The following WASF3 variants were observed in gnomAD, a reference collection of about 807,000 sequenced individuals.
The protein encoded by WASF3 is actin-binding protein WASF3.
In WASF3, 11 loss-of-function variants were observed where a neutral mutation model predicts 46.6. The observed-to-expected ratio is 0.24, with a 90% CI of 0.15 to 0.39. The LOEUF (loss-of-function observed/expected upper bound fraction) is 0.39, where lower values mean the gene tolerates loss of function less well. WASF3 is among the 10% of genes least tolerant of loss of function. The probability of loss-of-function intolerance (pLI) is 1.00; values close to 1 mark genes in which losing one functional copy is unlikely to be tolerated. For synonymous variants in WASF3, 242 were observed against 259.7 expected (o/e 0.93, Z 0.65); for missense variants, 576 against 669.8 (o/e 0.86, Z 1.55).
the WASF3 span, among the ~76,000 whole-genome samples, chr13:26,550,579 G>A: frequency 6.6e-6 from 1 of 152,168 alleles, no homozygotes; most frequent in Non-Finnish European, 1.5e-5. Context: ...ATTTAATCCT[G>A]ATTAGTTTAA....
At chr13:26,633,425 A>G (rs1881719926) in intron 2 of WASF3, among the ~76,000 whole-genome samples, 3 of 152,048 alleles carry the variant, frequency 2.0e-5, no homozygotes, top group South Asian at 4.2e-4. Context: ...GCTGTTCTCA[A>G]ACTCCTGACC....
chr13:26,598,808 C>T (rs1327247300), intron 1 of WASF3, among the ~76,000 whole-genome samples: 2 of 152,204 alleles, frequency 1.3e-5, no homozygotes, highest in East Asian at 1.9e-4. Context: ...GTTATTTATA[C>T]TCTTTCGATG....
intron 1 of WASF3, among the ~76,000 whole-genome samples, chr13:26,574,615 A>C (rs1293708763): frequency 6.6e-6 from 1 of 152,118 alleles, no homozygotes; most frequent in African/African-American, 2.4e-5. Context: ...TCTTTTAATA[A>C]GCAAGTTAAG....
intron 1 of WASF3, among the ~76,000 whole-genome samples, chr13:26,611,436 A>G (rs978081660): frequency 6.6e-6 from 1 of 152,252 alleles, no homozygotes; most frequent in Non-Finnish European, 1.5e-5. Flanking sequence ...TTCACAAAGG[A>G]AGAGTTAACA....
At chr13:26,551,429 T>C in the WASF3 span, among the ~76,000 whole-genome samples, 1 of 152,168 alleles carries the variant, frequency 6.6e-6, no homozygotes, top group South Asian at 2.1e-4. Context: ...TGCTTGGATA[T>C]TAGTAGTTCC....
chr13:26,629,285 C>T (rs549295453), intron 2 of WASF3, among the ~76,000 whole-genome samples: 7 of 152,316 alleles, frequency 4.6e-5, no homozygotes, highest in South Asian at 4.1e-4. Context: ...TGCCCACTCC[C>T]GAATTTCTAC....
upstream of WASF3, among the ~76,000 whole-genome samples, chr13:26,553,689 C>T (rs1447611488): frequency 4.6e-5 from 7 of 151,736 alleles, no homozygotes; most frequent in South Asian, 6.2e-4. Context: ...TGGTGGCGGG[C>T]GCCTGTAGTC....
intron 1 of WASF3, among the ~76,000 whole-genome samples, chr13:26,576,331 T>C (rs1369154324): frequency 2.6e-5 from 4 of 151,598 alleles, no homozygotes; most frequent in Non-Finnish European, 5.9e-5. Flanking sequence ...CATTACTTTC[T>C]TTTTTTTTCC....
rs71080285 is a variant in WASF3, at chr13:26,660,194, G to GTTT, written c.134-4801_134-4799dup. Among the ~76,000 whole-genome samples the GTTT allele has an allele frequency of 6.5e-4, 28 of 43,362 alleles. 1 individual carries two copies. Among genetic ancestry groups the GTTT allele is most frequent in the African/African-American group, 1.7e-3 (23 of 13,438 alleles). The allele number at this position is 43,362 out of a possible 152,430, so 28.4% of individuals were successfully genotyped here. On this transcript the variant is annotated intron_variant, in intron 3 of 9. Transcript: ENST00000335327. Reference sequence around the variant, plus strand: ...GTAATTAGCTTTTGTTTTTTGTTTGGTTTTTTTTTTTTTTTTTTTTTTTTT... The same window carrying GTTT: ...GTAATTAGCTTTTGTTTTTTGTTTGGTTTTTTTTTTTTTTTTTTTTTTTTTTTT...
intron 9 of WASF3, among the ~76,000 whole-genome samples, chr13:26,683,696 GT>G (rs1242874843): frequency 6.6e-6 from 1 of 152,058 alleles, no homozygotes; most frequent in Admixed American, 6.5e-5. Context: ...TAAGCCAGTG[GT>G]TTTTCAGAAT....
rs1593144645 is a variant in WASF3 at position 26,607,436 on chromosome 13, G to A, written c.-108-5525G>A. Among the ~76,000 whole-genome samples the A allele has an allele frequency of 2.0e-5, 3 of 152,260 alleles. No homozygotes were observed. The South Asian group carries it at 6.2e-4, about 32-fold the overall frequency. ...GCTTGGCTTTATAGGCAAAAAAAAG[G>A]CTGAAGAAAGCAGAAATAAAGAATG... is the stretch of plus-strand genomic sequence containing the variant. On this transcript the variant is annotated intron_variant, in intron 1 of 9. Transcript: ENST00000335327.
At chr13:26,586,595 GTCTT>G (rs1880134337) in intron 1 of WASF3, among the ~76,000 whole-genome samples, 2 of 152,142 alleles carry the variant, frequency 1.3e-5, no homozygotes, top group African/African-American at 4.8e-5. Flanking sequence ...TGTCTTGTCT[GTCTT>G]TGTTTGCTTT....
the WASF3 span, among the ~76,000 whole-genome samples, chr13:26,544,815 G>A: frequency 6.6e-6 from 1 of 152,212 alleles, no homozygotes; most frequent in Non-Finnish European, 1.5e-5. Flanking sequence ...ACCACACTGT[G>A]GCCTGGCGGT....
intron 3 of WASF3, among the ~76,000 whole-genome samples, chr13:26,647,962 G>A (rs182220612): frequency 6.8e-5 from 10 of 146,972 alleles, no homozygotes; most frequent in Admixed American, 6.7e-4. Flanking sequence ...GTAAACATCT[G>A]TATTCTTATA....
At chr13:26,602,156 G>A (rs568922926) in intron 1 of WASF3, among the ~76,000 whole-genome samples, 2 of 152,220 alleles carry the variant, frequency 1.3e-5, no homozygotes, top group Admixed American at 1.3e-4. Flanking sequence ...CTTTTCGATG[G>A]TAGTTCCGGG....
At position 26,562,645 on chromosome 13, in the gene WASF3, C is replaced by T. The variant is rs543541020; in HGVS notation, c.-109+4826C>T. Among the ~76,000 whole-genome samples the T allele has an allele frequency of 5.9e-5, 9 of 151,842 alleles. No homozygotes were observed. The South Asian group carries it at 6.3e-4, about 11-fold the overall frequency. On this transcript the variant is annotated intron_variant, in intron 1 of 9. Transcript: ENST00000335327. Reference sequence around the variant, plus strand: ...CCATTGGAGTTAGCCCACTAGATAGCGGTTTCAGAGTTTCCATTGGAGTTA... The same window carrying T: ...CCATTGGAGTTAGCCCACTAGATAGTGGTTTCAGAGTTTCCATTGGAGTTA...
chr13:26,634,447 C>T (rs1466224113), intron 2 of WASF3, among the ~76,000 whole-genome samples: 1 of 152,132 alleles, frequency 6.6e-6, no homozygotes, highest in Non-Finnish European at 1.5e-5. Flanking sequence ...TCCAGTTTGC[C>T]AGTCTGTGTC....
the WASF3 span, among the ~76,000 whole-genome samples, chr13:26,540,366 G>A: frequency 6.6e-6 from 1 of 152,172 alleles, no homozygotes; most frequent in Admixed American, 6.5e-5. Flanking sequence ...GAAGGTCAGA[G>A]TCCTGGAGAC....
intron 2 of WASF3, 55 bp from the exon 3 acceptor site, chr13:26,642,206 C>T (rs1483843865): frequency 2.1e-6 from 3 of 1,437,444 alleles, no homozygotes; most frequent in South Asian, 1.7e-5. Context: ...ATTAAAATTC[C>T]AGATTTGTTA....
Sources: gnomAD v4.1 joint callset for allele counts (sites outside exome capture counted in the v4.1 genomes callset) on GRCh38, gnomAD v4.1.1 for gene constraint, MANE v1.5 for transcripts, NCBI Gene and HGNC (gene_info 2026-07-23, HGNC 2026-07-21) for gene names.